The following GLDC variants were observed in gnomAD, a reference collection of about 807,000 sequenced individuals.
GLDC encodes the protein glycine decarboxylase, also known as glycine dehydrogenase (decarboxylating), mitochondrial.
Under a neutral mutation model 121.3 loss-of-function variants are expected in GLDC, and 104 were observed. That is an observed-to-expected ratio of 0.86 (90% CI 0.73 to 1.01). The LOEUF (loss-of-function observed/expected upper bound fraction) is 1.01, where lower values mean the gene tolerates loss of function less well. GLDC is among the 50% of genes least tolerant of loss of function. The pLI, the probability that GLDC is intolerant of heterozygous loss-of-function variation, is 0.00. For synonymous variants in GLDC, 546 were observed against 480.6 expected (o/e 1.14, Z -1.78); for missense variants, 1,429 against 1,306.6 (o/e 1.09, Z -1.44).
At chr9:6,635,251 A>G (rs1819477077) in intron 2 of GLDC, among the ~76,000 whole-genome samples, 3 of 152,168 alleles carry the variant, frequency 2.0e-5, no homozygotes, top group African/African-American at 4.8e-5. Flanking sequence ...CTTATCTTCT[A>G]CATCTGACTC....
rs773889966 is a variant in GLDC, at chr9:6,620,338, G to A, written c.335-19C>T. 6.2e-6 allele frequency: 10 copies of A among 1,609,034 alleles called. No homozygotes were observed. The Admixed American group carries it at 8.3e-5, about 13-fold the overall frequency. On this transcript the variant is annotated intron_variant, in intron 2 of 24. Transcript: ENST00000321612. ...TTTTCACCTAATTGTGGGAAAAAGA[G>A]AAATGTTACAGACAGATGTCTCAGA...
chr9:6,637,088 T>G (rs118190826), intron 2 of GLDC, among the ~76,000 whole-genome samples: 4,304 of 143,690 alleles, frequency 0.03, 93 homozygotes, highest in Non-Finnish European at 0.046. Context: ...GTTTTGTTTG[T>G]TTTTTTTTTT....
At chr9:6,642,792 A>G (rs1234477766) in intron 2 of GLDC, among the ~76,000 whole-genome samples, 2 of 152,194 alleles carry the variant, frequency 1.3e-5, no homozygotes, top group East Asian at 1.9e-4. Flanking sequence ...AGTCTCAGGA[A>G]GGGATTCACT....
chr9:6,621,264 T>A (rs374153299), intron 2 of GLDC, among the ~76,000 whole-genome samples: 1 of 152,292 alleles, frequency 6.6e-6, no homozygotes, highest in African/African-American at 2.4e-5. Context: ...TAAATGTACT[T>A]GGATGCAGGT....
chr9:6,588,066 T>C (rs770313888), intron 14 of GLDC, among the ~76,000 whole-genome samples: 17 of 124,746 alleles, frequency 1.4e-4, no homozygotes, highest in Non-Finnish European at 2.2e-4. Context: ...ACCTGAGATT[T>C]AGAACTATAA....
chr9:6,595,685 G>C (rs1268812297), intron 8 of GLDC, among the ~76,000 whole-genome samples: 1 of 152,198 alleles, frequency 6.6e-6, no homozygotes, highest in East Asian at 1.9e-4. Flanking sequence ...GCGCACTTCA[G>C]CTGGGAGCGG....
intron 2 of GLDC, among the ~76,000 whole-genome samples, chr9:6,643,209 T>A (rs1819663565): frequency 6.6e-6 from 1 of 151,934 alleles, no homozygotes; most frequent in African/African-American, 2.4e-5. Context: ...GGATTCTGAT[T>A]TTCTAAAATG....
chr9:6,537,512 C>T (rs1321326240), intron 22 of GLDC, among the ~76,000 whole-genome samples: 1 of 152,186 alleles, frequency 6.6e-6, no homozygotes, highest in Non-Finnish European at 1.5e-5. Flanking sequence ...AGTGCTGTGG[C>T]TCACACACCT....
At chr9:6,613,455 G>A (rs1818902459) in intron 3 of GLDC, among the ~76,000 whole-genome samples, 1 of 152,234 alleles carries the variant, frequency 6.6e-6, no homozygotes, top group South Asian at 2.1e-4. Context: ...GCGAGACTCT[G>A]TCTCTACTAA....
At chr9:6,639,436 T>G in intron 2 of GLDC, 1 of 905,382 alleles carries the variant, frequency 1.1e-6, no homozygotes, top group Non-Finnish European at 1.8e-6. Context: ...CTTGTGTTCA[T>G]TGTGGATGTT....
At chr9:6,580,658 G>T (rs1487527392) in intron 15 of GLDC, among the ~76,000 whole-genome samples, 1 of 152,148 alleles carries the variant, frequency 6.6e-6, no homozygotes, top group Non-Finnish European at 1.5e-5. Flanking sequence ...TTGCGGGCTG[G>T]TTTTGCAATA....
intron 22 of GLDC, among the ~76,000 whole-genome samples, chr9:6,536,934 TG>T (rs1262784308): frequency 1.3e-5 from 2 of 152,154 alleles, no homozygotes; most frequent in Non-Finnish European, 2.9e-5. Context: ...GGTTTTCACA[TG>T]TAAGGTAGTG....
chr9:6,585,018 G>C (rs1360135074), intron 15 of GLDC: 2 of 152,190 alleles, frequency 1.3e-5, no homozygotes, highest in Non-Finnish European at 2.9e-5. Context: ...ATCATGTAGG[G>C]AACTTTAAAG....
chr9:6,551,890 T>A (rs555393753), intron 20 of GLDC, among the ~76,000 whole-genome samples: 2 of 152,334 alleles, frequency 1.3e-5, no homozygotes, highest in East Asian at 3.9e-4. Flanking sequence ...AGCCAACCAC[T>A]GGCTCTCAAC....
At chr9:6,574,946 A>G (rs1818035113) in intron 15 of GLDC, among the ~76,000 whole-genome samples, 1 of 152,150 alleles carries the variant, frequency 6.6e-6, no homozygotes, top group Non-Finnish European at 1.5e-5. Flanking sequence ...AGCCACATCC[A>G]TCTTGCTAAA....
intron 4 of GLDC, among the ~76,000 whole-genome samples, chr9:6,609,969 C>G (rs934439775): frequency 2.0e-5 from 3 of 152,156 alleles, no homozygotes; most frequent in East Asian, 1.9e-4. Context: ...CCCGTCTGAT[C>G]TTCCCCAACC....
At chr9:6,565,453 A>T in intron 15 of GLDC, 24 bp from the exon 16 acceptor site, 1 of 1,576,856 alleles carries the variant, frequency 6.3e-7, no homozygotes, top group Non-Finnish European at 8.7e-7. Context: ...GAAGAAAGGG[A>T]TCACGGTTAG....
chr9:6,553,319 C>A, intron 20 of GLDC, 49 bp downstream of exon 20: 1 of 1,577,500 alleles, frequency 6.3e-7, no homozygotes, highest in Non-Finnish European at 8.7e-7. Flanking sequence ...CCCATGCATG[C>A]CTGACGCCCC....
At chr9:6,618,875 G>A (rs2129943788) in intron 3 of GLDC, among the ~76,000 whole-genome samples, 1 of 152,128 alleles carries the variant, frequency 6.6e-6, no homozygotes, top group Admixed American at 6.5e-5. Flanking sequence ...TGGGCGCGGT[G>A]GCTCACGCCT....
Sources: allele counts gnomAD v4.1 joint callset (sites outside exome capture counted in the v4.1 genomes callset), GRCh38; gene constraint gnomAD v4.1.1; transcripts MANE v1.5; gene names NCBI Gene and HGNC (gene_info 2026-07-23, HGNC 2026-07-21).